The following NFAT5 variants were observed in gnomAD, a reference collection of about 807,000 sequenced individuals.
NFAT5 encodes nuclear factor of activated T cells 5, also known as nuclear factor of activated T-cells 5.
Under a neutral mutation model 166.5 loss-of-function variants are expected in NFAT5, and 31 were observed. That is an observed-to-expected ratio of 0.19 (90% CI 0.14 to 0.25). The LOEUF is 0.25. Among genes scored for constraint, NFAT5 ranks in the 10% least tolerant of loss-of-function variants. The pLI is 1.00. For missense variants in NFAT5, 1,449 were observed against 1,821.8 expected (o/e 0.80, Z 3.72); for synonymous variants, 612 against 639.7 (o/e 0.96, Z 0.65).
At chr16:69,656,358 C>CT (rs1234460083) in intron 6 of NFAT5, among the ~76,000 whole-genome samples, 1 of 150,214 alleles carries the variant, frequency 6.7e-6, no homozygotes, top group Non-Finnish European at 1.5e-5. Flanking sequence ...TGGCCAAAGA[C>CT]TTACTTTTTT....
At chr16:69,624,082 A>G (rs1038505090) in intron 2 of NFAT5, among the ~76,000 whole-genome samples, 3 of 152,080 alleles carry the variant, frequency 2.0e-5, no homozygotes, top group Non-Finnish European at 1.5e-5. Context: ...ACATTTTAAC[A>G]AACTGAAAAT....
intron 2 of NFAT5, among the ~76,000 whole-genome samples, chr16:69,620,354 T>C (rs936438679): frequency 2.6e-5 from 4 of 152,208 alleles, no homozygotes; most frequent in Non-Finnish European, 5.9e-5. Flanking sequence ...GGCATTTTGG[T>C]CAACTAAAAT....
chr16:69,674,689 T>C (rs1055563911), intron 9 of NFAT5, among the ~76,000 whole-genome samples: 1 of 152,182 alleles, frequency 6.6e-6, no homozygotes, highest in East Asian at 1.9e-4. Flanking sequence ...TCAAGTCTAA[T>C]TGTAGATATT....
chr16:69,627,785 C>A (rs1171154897), intron 3 of NFAT5, among the ~76,000 whole-genome samples: 1 of 152,136 alleles, frequency 6.6e-6, no homozygotes, highest in East Asian at 1.9e-4. Context: ...TTTTAGTAAT[C>A]AAATTGATAA....
chr16:69,649,979 C>T (rs1356752269), intron 4 of NFAT5, among the ~76,000 whole-genome samples: 2 of 151,372 alleles, frequency 1.3e-5, no homozygotes, highest in Non-Finnish European at 1.5e-5. Flanking sequence ...AAAAAAAAAG[C>T]TTAGTATTTG....
At chr16:69,672,099 TG>T (rs1345687847) in intron 9 of NFAT5, among the ~76,000 whole-genome samples, 2 of 152,226 alleles carry the variant, frequency 1.3e-5, no homozygotes, top group African/African-American at 2.4e-5. Flanking sequence ...GAACTCTCTC[TG>T]GGTAAAGTTA....
intron 9 of NFAT5, among the ~76,000 whole-genome samples, chr16:69,672,831 C>G (rs2036679032): frequency 6.6e-6 from 1 of 152,142 alleles, no homozygotes; most frequent in African/African-American, 2.4e-5. Flanking sequence ...TTGTAATGCT[C>G]TATTATGATT....
At chr16:69,599,020 C>CA (rs1216510761) in intron 2 of NFAT5, among the ~76,000 whole-genome samples, 1,404 of 52,254 alleles carry the variant, frequency 0.027, 34 homozygotes, top group African/African-American at 0.051. Flanking sequence ...GACTCTGTCT[C>CA]AAAAAAAAAA....
intron 2 of NFAT5, among the ~76,000 whole-genome samples, chr16:69,609,380 C>T (rs2033592818): frequency 6.6e-6 from 1 of 152,094 alleles, no homozygotes. Context: ...AGTAGTCGGT[C>T]TGTGATGAAA....
intron 2 of NFAT5, among the ~76,000 whole-genome samples, chr16:69,614,975 C>G (rs1244781742): frequency 6.7e-6 from 1 of 148,424 alleles, no homozygotes; most frequent in Non-Finnish European, 1.5e-5. Context: ...CTCCTGGGTT[C>G]AAGCAATTCT....
intron 2 of NFAT5, among the ~76,000 whole-genome samples, chr16:69,617,544 G>A (rs1005415712): frequency 1.3e-5 from 2 of 149,916 alleles, no homozygotes; most frequent in Non-Finnish European, 3.0e-5. Flanking sequence ...AGGCTGGAAC[G>A]CAGTGGCACA....
intron 2 of NFAT5, among the ~76,000 whole-genome samples, chr16:69,574,858 G>A (rs962678196): frequency 6.6e-6 from 1 of 151,790 alleles, no homozygotes; most frequent in African/African-American, 2.4e-5. Flanking sequence ...TTTTAGTAGA[G>A]ATGGGGTTTC....
At chr16:69,610,730 T>G (rs1391148824) in intron 2 of NFAT5, among the ~76,000 whole-genome samples, 1 of 152,228 alleles carries the variant, frequency 6.6e-6, no homozygotes, top group South Asian at 2.1e-4. Context: ...CTTTCACCAC[T>G]TCTACCTCTA....
intron 2 of NFAT5, among the ~76,000 whole-genome samples, chr16:69,622,986 G>A (rs190282): frequency 0.9 from 136,237 of 152,154 alleles, 61,212 homozygotes; most frequent in African/African-American, 0.97. Context: ...TCTCTATTAA[G>A]AATACAAAAT....
rs1482449163 is a variant in NFAT5, at chr16:69,697,364, T to C, written c.*1013T>C. The stretch of plus-strand genomic sequence containing the variant: ...GTACTGTCTTAGGAATTATTAGGAG[T>C]TGATTCCTGAGAAACAACACATTTT... On this transcript the variant is annotated 3_prime_UTR_variant, in exon 15 of 15. Coordinates refer to ENST00000349945, the MANE Select transcript of NFAT5 (RefSeq NM_138713.4). 2 of 151,980 alleles carry C rather than the reference T, an allele frequency of 1.3e-5. No homozygotes were observed. The highest frequency in any genetic ancestry group is 2.9e-5 in the Non-Finnish European group (2 of 68,012). The allele number at this position is 151,980 out of a possible 1,614,324, so 9.4% of individuals were successfully genotyped here.
In NFAT5 at chr16:69,574,148, G is replaced by C. The variant is rs1357172371; in HGVS notation, c.127+5600G>C. The stretch of plus-strand genomic sequence containing the variant: ...GGCCCCCCAAAGTGCTGGGATTACA[G>C]GCGTGAGCCACTGCGCCCGGCCAAA... On this transcript the variant is annotated intron_variant, in intron 2 of 14. Transcript: ENST00000349945. Among the ~76,000 whole-genome samples, 3 of 152,214 alleles carry C rather than the reference G, an allele frequency of 2.0e-5. No individual in the cohort carries two copies. The South Asian group carries it at 6.2e-4, about 32-fold the overall frequency.
At chr16:69,631,505 T>G (rs531697605) in intron 3 of NFAT5, among the ~76,000 whole-genome samples, 4 of 152,318 alleles carry the variant, frequency 2.6e-5, no homozygotes, top group Non-Finnish European at 4.4e-5. Context: ...ATCTTAATAA[T>G]GCATTAATAA....
At chr16:69,598,664 A>G (rs886531535) in intron 2 of NFAT5, among the ~76,000 whole-genome samples, 2 of 152,166 alleles carry the variant, frequency 1.3e-5, no homozygotes, top group African/African-American at 4.8e-5. Flanking sequence ...TAAAGAAAAT[A>G]AAGTCCTTTT....
rs931828032 is a variant in NFAT5 at position 69,651,905 on chromosome 16, C to T, written c.813-1331C>T. Reference sequence around the variant, plus strand: ...CAGGATGGTCTCAAACTCCTGACCTCAGGTGATCCACCCCGCTTGGCCTCC... The same window carrying T: ...CAGGATGGTCTCAAACTCCTGACCTTAGGTGATCCACCCCGCTTGGCCTCC... On this transcript the variant is annotated intron_variant, in intron 4 of 14. Coordinates refer to ENST00000349945, the MANE Select transcript of NFAT5 (RefSeq NM_138713.4). Among the ~76,000 whole-genome samples the T allele has an allele frequency of 7.2e-5, 11 of 152,170 alleles. No individual in the cohort carries two copies. The East Asian group carries it at 1.4e-3, about 19-fold the overall frequency.
Sources: allele counts gnomAD v4.1 joint callset (sites outside exome capture counted in the v4.1 genomes callset), GRCh38; gene constraint gnomAD v4.1.1; transcripts MANE v1.5; gene names NCBI Gene and HGNC (gene_info 2026-07-23, HGNC 2026-07-21).